TBC1D4: variants seen among roughly 807,000 people sequenced by gnomAD.
The protein encoded by TBC1D4 is TBC (Tre-2, BUB2, CDC16) domain-containing protein.
A neutral mutation model predicts 142.5 loss-of-function variants in TBC1D4; 121 were observed. The observed-to-expected ratio is 0.85, with a 90% CI of 0.73 to 0.99. TBC1D4 has a LOEUF of 0.99. Ranked by LOEUF, TBC1D4 falls within the 50% of genes least tolerant of loss-of-function variation. TBC1D4 has a pLI of 0.00. For synonymous variants in TBC1D4, 630 were observed against 628.2 expected, an observed-to-expected ratio of 1.00 and a Z score of -0.04; for missense variants, 1,475 against 1,606.6, an observed-to-expected ratio of 0.92 and a Z score of 1.40.
At position 75,286,641 on chromosome 13, in the gene TBC1D4, G is replaced by T; in HGVS notation, c.*151C>A. ...GCTTAGGATTGGCATGCTCTGATGA[G>T]CACGAGGTCCACCTGCTGTGACTAG... On this transcript the variant is annotated 3_prime_UTR_variant, in exon 21 of 21. Coordinates refer to ENST00000377636, the MANE Select transcript of TBC1D4 (RefSeq NM_014832.5). 1.3e-6 allele frequency: 1 copy of T among 762,416 alleles called. No individual in the cohort carries two copies. The highest frequency in any genetic ancestry group is 2.2e-6 in the Non-Finnish European group (1 of 447,924). 47.2% of individuals were successfully genotyped at this position (762,416 alleles called of 1,614,324 possible).
intron 17 of TBC1D4, among the ~76,000 whole-genome samples, chr13:75,298,568 T>C (rs1049007590): frequency 4.6e-5 from 7 of 152,192 alleles, no homozygotes; most frequent in Non-Finnish European, 7.4e-5. Context: ...CTGGCCAACA[T>C]GGTGAAACCC....
At chr13:75,393,038 T>C (rs1404917274) in intron 1 of TBC1D4, among the ~76,000 whole-genome samples, 1 of 152,080 alleles carries the variant, frequency 6.6e-6, no homozygotes, top group African/African-American at 2.4e-5. Context: ...CCCTTCCTTA[T>C]GTAGACCTGC....
intron 1 of TBC1D4, among the ~76,000 whole-genome samples, chr13:75,429,306 T>A (rs1886503151): frequency 2.0e-5 from 3 of 152,200 alleles, no homozygotes; most frequent in Non-Finnish European, 4.4e-5. Context: ...CTTCATAATC[T>A]CCATCACTGA....
intron 1 of TBC1D4, among the ~76,000 whole-genome samples, chr13:75,394,388 G>C (rs542312990): frequency 6.6e-6 from 1 of 152,096 alleles, no homozygotes; most frequent in Non-Finnish European, 1.5e-5. Context: ...CCGTTGTGAA[G>C]TCTAAAAAGG....
intron 1 of TBC1D4, among the ~76,000 whole-genome samples, chr13:75,468,385 A>G (rs1888255916): frequency 6.6e-6 from 1 of 152,228 alleles, no homozygotes; most frequent in African/African-American, 2.4e-5. Context: ...GAAACTAAAA[A>G]TAAATCCAAT....
chr13:75,407,012 C>T (rs1054353970), intron 1 of TBC1D4, among the ~76,000 whole-genome samples: 3 of 152,060 alleles, frequency 2.0e-5, no homozygotes, highest in East Asian at 1.9e-4. Flanking sequence ...TTCAGGCATT[C>T]GTGATAAACT....
intron 1 of TBC1D4, among the ~76,000 whole-genome samples, chr13:75,426,516 C>G (rs1886375694): frequency 6.6e-6 from 1 of 152,112 alleles, no homozygotes; most frequent in African/African-American, 2.4e-5. Flanking sequence ...CAAATAATAC[C>G]TGTTCTTACT....
chr13:75,326,292 T>C lies in TBC1D4; in HGVS notation c.1938A>G (p.Pro646=). The change falls in exon 10 of 21, where the codon CCA becomes CCG. Residue 646 remains proline, a synonymous_variant. Transcript: ENST00000377636. ...TCAGCTTTCTCTTTGTGCTTGAAGG[T>C]GGGTGGCTGAACGTGTGTGCCCGTC... ...FRRRAHTFSH[P]PSSTKRKLNL... 6.2e-7 allele frequency: 1 copy of C among 1,614,092 alleles called. No homozygotes were observed. Among genetic ancestry groups the C allele is most frequent in the African/African-American group, 1.3e-5 (1 of 74,998 alleles).
chr13:75,464,001 A>G (rs1888072862), intron 1 of TBC1D4, among the ~76,000 whole-genome samples: 1 of 152,238 alleles, frequency 6.6e-6, no homozygotes, highest in East Asian at 1.9e-4. Flanking sequence ...TACCACCGGT[A>G]GTAGTAATCA....
intron 1 of TBC1D4, among the ~76,000 whole-genome samples, chr13:75,465,400 T>G (rs1888126304): frequency 1.3e-5 from 2 of 152,166 alleles, no homozygotes; most frequent in African/African-American, 4.8e-5. Flanking sequence ...GTTGAGGGAA[T>G]GAGCAAGTGA....
chr13:75,348,973 G>C (rs1398964389), intron 5 of TBC1D4, among the ~76,000 whole-genome samples, 197 bp downstream of exon 5: 10 of 150,522 alleles, frequency 6.6e-5, no homozygotes, highest in African/African-American at 2.4e-4. Flanking sequence ...GTGTGTGTGT[G>C]TGTGTGTGTG....
At position 75,441,599 on chromosome 13, in the gene TBC1D4, A is replaced by T. The variant is rs551190349; in HGVS notation, c.498+39671T>A. On this transcript the variant is annotated intron_variant, in intron 1 of 20. Transcript: ENST00000377636. ...TTGAAATCTAAAAATATGATTTTTT[A>T]TCTTCCATAGCCCAGGAACGTCTAT... Among the ~76,000 whole-genome samples the T allele has an allele frequency of 2.6e-5, 4 of 152,306 alleles. No homozygotes were observed. In the East Asian group the frequency reaches 7.7e-4, roughly 29 times the overall value.
intron 1 of TBC1D4, among the ~76,000 whole-genome samples, chr13:75,372,985 A>G (rs1168398871): frequency 6.6e-6 from 1 of 152,246 alleles, no homozygotes; most frequent in African/African-American, 2.4e-5. Flanking sequence ...TCTAAACAAA[A>G]TCCTAAAACT....
At chr13:75,423,283 T>C (rs927996284) in intron 1 of TBC1D4, among the ~76,000 whole-genome samples, 2 of 152,030 alleles carry the variant, frequency 1.3e-5, no homozygotes, top group African/African-American at 4.8e-5. Flanking sequence ...TAAAGCCAAC[T>C]GGTAAGTTTT....
chr13:75,299,588 G>A lies in TBC1D4; in HGVS notation c.2912-14C>T. The A allele has an allele frequency of 1.9e-6, 3 of 1,613,820 alleles. No individual in the cohort carries two copies. The South Asian group carries it at 3.3e-5, about 18-fold the overall frequency. ...GAAACGTCCTTCCTGCAGAGGAAAA[G>A]AAGGAAAATATTTTTTGAAATGTCC... On this transcript the variant is annotated splice_polypyrimidine_tract_variant and intron_variant, in intron 16 of 20. Transcript: ENST00000377636.
At chr13:75,369,505 ACACACAC>A (rs2138204066) in intron 1 of TBC1D4, among the ~76,000 whole-genome samples, 1 of 37,370 alleles carries the variant, frequency 2.7e-5, no homozygotes, top group African/African-American at 2.1e-4. Context: ...TCTCACACAC[ACACACAC>A]ACACACACAC....
chr13:75,336,729 G>C (rs1040051781), intron 8 of TBC1D4, among the ~76,000 whole-genome samples, 192 bp downstream of exon 8: 1 of 151,730 alleles, frequency 6.6e-6, no homozygotes, highest in African/African-American at 2.4e-5. Context: ...TGACAAGAGT[G>C]AAATCCATCT....
At chr13:75,321,390 A>G (rs1199266319) in intron 11 of TBC1D4, among the ~76,000 whole-genome samples, 1 of 152,096 alleles carries the variant, frequency 6.6e-6, no homozygotes, top group Non-Finnish European at 1.5e-5. Context: ...CGATGCATGC[A>G]ACTTATTCAC....
intron 4 of TBC1D4, among the ~76,000 whole-genome samples, 190 bp downstream of exon 4, chr13:75,355,957 A>G (rs1882010049): frequency 6.6e-6 from 1 of 152,234 alleles, no homozygotes; most frequent in Non-Finnish European, 1.5e-5. Context: ...ATGTAGGCAT[A>G]TATTTTACCA....
Sources: allele counts gnomAD v4.1 joint callset (sites outside exome capture counted in the v4.1 genomes callset), GRCh38; gene constraint gnomAD v4.1.1; transcripts MANE v1.5; gene names NCBI Gene and HGNC (gene_info 2026-07-23, HGNC 2026-07-21).